UNC80: variants seen among roughly 807,000 people sequenced by gnomAD.
The protein encoded by UNC80 is protein unc-80 homolog.
In UNC80, 164 loss-of-function variants were observed where a neutral mutation model predicts 384.6. The ratio of observed to expected loss-of-function variants is 0.43; its 90% CI spans 0.38 to 0.49. The LOEUF is 0.49. Ranked by LOEUF, UNC80 falls within the 20% of genes least tolerant of loss-of-function variation. The probability of loss-of-function intolerance (pLI) is 0.00; values close to 1 mark genes in which losing one functional copy is unlikely to be tolerated. For synonymous variants in UNC80, 1,486 were observed against 1,527.8 expected, an observed-to-expected ratio of 0.97 and a Z score of 0.64; for missense variants, 3,330 against 4,143.0, an observed-to-expected ratio of 0.80 and a Z score of 5.39.
chr2:209,817,908 T>TGCC lies in UNC80; in HGVS notation c.1651_1653dup (p.Pro551dup). 1 of 1,551,566 alleles carries TGCC rather than the reference T, an allele frequency of 6.4e-7. No homozygotes were observed. Among genetic ancestry groups the TGCC allele is most frequent in the Non-Finnish European group, 8.7e-7 (1 of 1,146,942 alleles). ...TCCCATCACACCCTGGTAAGCGACC[T>TGCC]GCCGGACCCCTCCAACAGCCATGGA... On this transcript the variant is annotated inframe_insertion, in exon 11 of 65. Coordinates refer to ENST00000673920, the MANE Select transcript of UNC80 (RefSeq NM_001371986.1).
intron 6 of UNC80, among the ~76,000 whole-genome samples, chr2:209,792,305 AAAG>A (rs2077861278): frequency 6.6e-6 from 1 of 152,204 alleles, no homozygotes; most frequent in South Asian, 2.1e-4. Context: ...GTCTTAAAAG[AAAG>A]AAGAAAAAAG....
intron 51 of UNC80, chr2:209,960,923 A>T (rs2092568937): frequency 6.6e-6 from 1 of 152,248 alleles, no homozygotes; most frequent in Admixed American, 6.5e-5. Flanking sequence ...CAGCCCCTCC[A>T]CTTCCTTTCC....
At chr2:209,881,878 C>G (rs2085321234) in intron 25 of UNC80, among the ~76,000 whole-genome samples, 1 of 151,954 alleles carries the variant, frequency 6.6e-6, no homozygotes, top group Non-Finnish European at 1.5e-5. Context: ...AGGAACCAGA[C>G]TATCTCCCAG....
intron 43 of UNC80, among the ~76,000 whole-genome samples, chr2:209,940,212 A>T (rs2091534745): frequency 6.6e-6 from 1 of 152,140 alleles, no homozygotes; most frequent in Admixed American, 6.5e-5. Context: ...ATTCATCTAG[A>T]ATGACAGAAA....
intron 35 of UNC80, among the ~76,000 whole-genome samples, chr2:209,925,301 C>T (rs1274638303): frequency 3.3e-5 from 5 of 152,242 alleles, no homozygotes; most frequent in South Asian, 2.1e-4. Context: ...GCATCTACTA[C>T]GAAGCTGTGT....
Position 209,976,068 on chromosome 2 carries a change from C to A in UNC80, c.8588-51C>A. 6.6e-7 allele frequency: 1 copy of A among 1,504,950 alleles called. No individual in the cohort carries two copies. The highest frequency in any genetic ancestry group is 1.3e-5 in the South Asian group (1 of 77,980). The allele number at this position is 1,504,950 out of a possible 1,614,324, so 93.2% of individuals were successfully genotyped here. A position where few individuals can be genotyped will look rare whatever the true frequency, so the allele number is the denominator to read the frequency against. ...AAGGGCTCTGGATGTAGGTTGGGTT[C>A]CTCGGAAGCACACGTCCGCAGGCTC... On this transcript the variant is annotated intron_variant, in intron 56 of 64. Transcript: ENST00000673920. This position sits in a 1 kb window ranked among gnomAD's most constrained non-coding sequence, Gnocchi z 4.3.
chr2:209,989,529 A>G (rs1478056827), intron 61 of UNC80, among the ~76,000 whole-genome samples: 1 of 152,208 alleles, frequency 6.6e-6, no homozygotes, highest in Non-Finnish European at 1.5e-5. Context: ...AAATTTGACT[A>G]TCAAATATAA....
chr2:209,932,609 T>A (rs1034888552), intron 38 of UNC80, among the ~76,000 whole-genome samples: 2 of 152,200 alleles, frequency 1.3e-5, no homozygotes, highest in Admixed American at 6.5e-5. Context: ...TAAGGGAGCT[T>A]GATGCCCAGA....
chr2:209,842,540 G>C (rs2124823206), intron 21 of UNC80, 94 bp downstream of exon 21: 2 of 915,380 alleles, frequency 2.2e-6, no homozygotes, highest in Non-Finnish European at 3.3e-6. Context: ...ATTTTCATTG[G>C]TTTTTCATTC....
intron 19 of UNC80, 99 bp from the exon 20 acceptor site, chr2:209,840,443 A>T (rs533179032): frequency 2.3e-4 from 225 of 972,296 alleles, no homozygotes; most frequent in South Asian, 7.1e-4. Context: ...ATACCAAGCC[A>T]TGTAACTTTC....
chr2:209,941,865 G>T (rs113583395), intron 44 of UNC80, among the ~76,000 whole-genome samples: 3,397 of 152,254 alleles, frequency 0.022, 93 homozygotes, highest in South Asian at 0.14. Context: ...CTTGAAGTGA[G>T]GAGCTTAAGA....
In UNC80 at chr2:209,792,807, T is replaced by C. The variant is rs1017780896; in HGVS notation, c.799-913T>C. ...ATGTGGCTGTTTGTGGCTTGCATTA[T>C]CTTTCTATTGGACACGCTTCTCTGA... On this transcript the variant is annotated intron_variant, in intron 6 of 64. Coordinates refer to ENST00000673920, the MANE Select transcript of UNC80 (RefSeq NM_001371986.1). 1.4e-4 allele frequency among the ~76,000 whole-genome samples: 22 copies of C among 152,352 alleles called. No individual in the cohort carries two copies. In the East Asian group the frequency reaches 4.0e-3, roughly 28 times the overall value.
intron 13 of UNC80, among the ~76,000 whole-genome samples, chr2:209,822,324 A>G (rs1459892659): frequency 6.6e-6 from 1 of 152,218 alleles, no homozygotes; most frequent in Non-Finnish European, 1.5e-5. Flanking sequence ...AATTATCTAA[A>G]TAATGGTATA....
intron 7 of UNC80, among the ~76,000 whole-genome samples, chr2:209,799,233 T>G (rs780021446): frequency 1.3e-5 from 2 of 152,142 alleles, no homozygotes; most frequent in African/African-American, 4.8e-5. Context: ...CATTTGTTTG[T>G]GTCCTCTTAT....
At chr2:209,775,780 G>T in intron 2 of UNC80, 109 bp from the exon 3 acceptor site, 1 of 1,073,060 alleles carries the variant, frequency 9.3e-7, no homozygotes, top group Non-Finnish European at 1.3e-6. Flanking sequence ...TCTTTTAAGG[G>T]GTACAGTACC....
At chr2:209,816,850 A>C in intron 9 of UNC80, 59 bp from the exon 10 acceptor site, 2 of 1,489,040 alleles carry the variant, frequency 1.3e-6, no homozygotes. Flanking sequence ...GCCCCTTGGG[A>C]AGCAGATTGT....
In UNC80 at chr2:209,840,558, A is replaced by T; in HGVS notation, c.3267A>T (p.Arg1089Ser). The T allele has an allele frequency of 6.4e-7, 1 of 1,551,770 alleles. No homozygotes were observed. Among genetic ancestry groups the T allele is most frequent in the Non-Finnish European group, 8.7e-7 (1 of 1,146,954 alleles). ...LKLPIGNWLK[R>S]SSLSGLADGV... ...ATTAAATAGGGAACTGGCTGAAGAG[A>T]TCATCCCTCTCAGGCCTGGCAGATG... Residue 1089 changes from arginine (R) to serine (S), a missense_variant, in exon 20 of 65, where the codon AGA becomes AGT. By Grantham distance (110) the Arg-to-Ser change is moderately radical (BLOSUM62 -1). Transcript: ENST00000673920.
intron 29 of UNC80, among the ~76,000 whole-genome samples, chr2:209,909,597 C>T (rs2088672437): frequency 6.6e-6 from 1 of 152,158 alleles, no homozygotes; most frequent in Admixed American, 6.5e-5. Flanking sequence ...GACTGTTTCT[C>T]TTAATTCCCT....
chr2:209,828,614 A>C (rs1021674215), intron 14 of UNC80, among the ~76,000 whole-genome samples: 1 of 152,134 alleles, frequency 6.6e-6, no homozygotes, highest in Admixed American at 6.6e-5. Flanking sequence ...ACACTAATAC[A>C]ATCCCAATTC....
Sources: allele counts gnomAD v4.1 joint callset (sites outside exome capture counted in the v4.1 genomes callset), GRCh38; gene constraint gnomAD v4.1.1; non-coding constraint Gnocchi (gnomAD v3.1); transcripts MANE v1.5; gene names NCBI Gene and HGNC (gene_info 2026-07-23, HGNC 2026-07-21).